Variants in PRKAB1 observed in about 807,000 individuals in gnomAD.
PRKAB1 encodes protein kinase AMP-activated non-catalytic subunit beta 1.
A neutral mutation model predicts 32.0 loss-of-function variants in PRKAB1; 18 were observed. The observed-to-expected ratio is 0.56, with a 90% confidence interval of 0.39 to 0.83. PRKAB1 has a LOEUF of 0.83. Ranked by LOEUF, PRKAB1 falls within the 40% of genes least tolerant of loss-of-function variation. The pLI, the probability that PRKAB1 is intolerant of heterozygous loss-of-function variation, is 0.00. For missense variants in PRKAB1, 263 were observed against 352.6 expected (o/e 0.75, Z 2.03); for synonymous variants, 141 against 141.4 (o/e 1.00, Z 0.02).
rs1955449995 is a variant in PRKAB1 at position 119,679,665 on chromosome 12, GC to G, written c.667-265del. ...CCCTCCATAAGAGGACAGGGCCGTG[GC>G]CCACACTTGAAAGAGGCCGGGGTAA... On this transcript the variant is annotated intron_variant, in intron 5 of 6. Coordinates refer to ENST00000229328, the MANE Select transcript of PRKAB1 (RefSeq NM_006253.5). The surrounding 1 kb of genome is among the most constrained non-coding windows in gnomAD (Gnocchi z 4.1). 2.1e-6 allele frequency: 1 copy of G among 478,322 alleles called. No individual in the cohort carries two copies. The highest frequency in any genetic ancestry group is 3.9e-6 in the Non-Finnish European group (1 of 259,688). 29.6% of individuals were successfully genotyped at this position (478,322 alleles called of 1,614,324 possible).
At position 119,674,582 on chromosome 12, in the gene PRKAB1, T is replaced by G; in HGVS notation, c.532+128T>G. Reference sequence around the variant, plus strand: ...CAGATAGGCATTTATAGCCCCCACTTAAAGGCCACAGAACTTAATTCCTGT... The same window carrying G: ...CAGATAGGCATTTATAGCCCCCACTGAAAGGCCACAGAACTTAATTCCTGT... On this transcript the variant is annotated intron_variant, in intron 4 of 6. Transcript: ENST00000229328. This position sits in a 1 kb window ranked among gnomAD's most constrained non-coding sequence, Gnocchi z 4.3. The G allele has an allele frequency of 1.6e-6, 1 of 623,166 alleles. No homozygotes were observed. The highest frequency in any genetic ancestry group is 2.2e-5 in the South Asian group (1 of 45,722). The allele number at this position is 623,166 out of a possible 1,614,324, so 38.6% of individuals were successfully genotyped here. A position where few individuals can be genotyped will look rare whatever the true frequency, so the allele number is the denominator to read the frequency against.
At position 119,672,472 on chromosome 12, in the gene PRKAB1, C is replaced by T. The variant is rs1955395597; in HGVS notation, c.323+8C>T. ...ACTTCCCCTCACCAGAAGGTAATTG[C>T]CTGGGGAGTGTTCACATATTTGTCT... On this transcript the variant is annotated splice_region_variant and intron_variant, in intron 2 of 6. Coordinates refer to ENST00000229328, the MANE Select transcript of PRKAB1 (RefSeq NM_006253.5). 1 of 1,559,148 alleles carries T rather than the reference C, an allele frequency of 6.4e-7. No individual in the cohort carries two copies. The highest frequency in any genetic ancestry group is 1.4e-5 in the African/African-American group (1 of 73,072).
upstream of PRKAB1, chr12:119,667,986 T>G (rs1955350403): frequency 2.1e-6 from 1 of 478,664 alleles, no homozygotes; most frequent in Non-Finnish European, 3.6e-6. Context: ...GTGAAGCGGT[T>G]GGGAAAGTGT....
At chr12:119,671,653 G>T in intron 1 of PRKAB1, 1 of 235,150 alleles carries the variant, frequency 4.3e-6, no homozygotes. Context: ...GGGGATTATG[G>T]GGATTACAAT....
At chr12:119,678,140 G>C (rs956394102) in intron 5 of PRKAB1, 2 of 152,282 alleles carry the variant, frequency 1.3e-5, no homozygotes, top group Admixed American at 6.5e-5. Flanking sequence ...GAATAGACAA[G>C]CTGAGAGTGG....
chr12:119,669,220 C>A (rs1453440402), intron 1 of PRKAB1, among the ~76,000 whole-genome samples: 1 of 151,826 alleles, frequency 6.6e-6, no homozygotes, highest in African/African-American at 2.4e-5. Flanking sequence ...CTTGGCCTCC[C>A]AAAGTGCTGG....
Position 119,674,045 on chromosome 12 carries a change from C to T in PRKAB1, c.405C>T (p.His135=), listed in dbSNP as rs142228541. ...YKFFVDGQWT[H]DPSEPIVTSQ... ...TCTTTGTGGATGGTCAGTGGACGCA[C>T]GACCCTTCCGAGGTACTCTTCCTCC... The change falls in exon 3 of 7, where the codon CAC becomes CAT. Residue 135 remains histidine (H), a synonymous_variant. Transcript: ENST00000229328. The surrounding 1 kb of genome is among the most constrained non-coding windows in gnomAD (Gnocchi z 4.3). 5.2e-4 allele frequency: 847 copies of T among 1,613,424 alleles called. 4 individuals carry two copies. In the Middle Eastern group the frequency reaches 5.8e-3, roughly 11 times the overall value.
chr12:119,668,668 G>A (rs2136847918), intron 1 of PRKAB1, among the ~76,000 whole-genome samples: 1 of 152,358 alleles, frequency 6.6e-6, no homozygotes, highest in South Asian at 2.1e-4. Context: ...GCAGCTCTGG[G>A]ACAGAGTTTC....
At position 119,672,366 on chromosome 12, in the gene PRKAB1, C is replaced by T; in HGVS notation, c.225C>T (p.Ala75=). The T allele has an allele frequency of 1.2e-6, 2 of 1,613,030 alleles. No homozygotes were observed. Among genetic ancestry groups the T allele is most frequent in the African/African-American group, 1.3e-5 (1 of 75,004 alleles). The part of the protein sequence containing the change: ...HDLEVNDKAP[A]QARPTVFRWT... Reference sequence around the variant, plus strand: ...TGGAAGTGAATGATAAAGCTCCCGCCCAGGCTCGGCCAACGGTGTTTCGAT... The same window carrying T: ...TGGAAGTGAATGATAAAGCTCCCGCTCAGGCTCGGCCAACGGTGTTTCGAT... Residue 75 remains alanine (A), a synonymous_variant, in exon 2 of 7, where the codon GCC becomes GCT. Transcript: ENST00000229328.
chr12:119,667,970 G>A (rs1409219753), upstream of PRKAB1: 6 of 439,330 alleles, frequency 1.4e-5, no homozygotes, highest in South Asian at 2.1e-4. Context: ...AAGTCGCTGA[G>A]GGGTGGTGAA....
At chr12:119,680,058 C>T (rs1009521110) in intron 6 of PRKAB1, 57 bp downstream of exon 6, 1 of 1,567,582 alleles carries the variant, frequency 6.4e-7, no homozygotes. Context: ...CTCTGAGGAC[C>T]CCCAGCAGTG....
intron 1 of PRKAB1, among the ~76,000 whole-genome samples, chr12:119,670,306 C>G (rs546537623): frequency 5.3e-5 from 8 of 152,336 alleles, no homozygotes; most frequent in South Asian, 2.1e-4. Context: ...TAATCATCAT[C>G]CATTTAATTG....
chr12:119,673,056 C>T (rs1247051080), intron 2 of PRKAB1, among the ~76,000 whole-genome samples: 1 of 152,008 alleles, frequency 6.6e-6, no homozygotes, highest in Non-Finnish European at 1.5e-5. Context: ...TAGTGAGACC[C>T]CCATCTCTAC....
In PRKAB1 at chr12:119,674,276, T is replaced by C; in HGVS notation, c.418-64T>C. Reference sequence around the variant, plus strand: ...AGGCCTTCCAGCCAGGAATTCCAAGTCCTCTGAAGAATAACTCCGCAGACC... The same window carrying C: ...AGGCCTTCCAGCCAGGAATTCCAAGCCCTCTGAAGAATAACTCCGCAGACC... On this transcript the variant is annotated intron_variant, in intron 3 of 6. Transcript: ENST00000229328. The surrounding 1 kb of genome is among the most constrained non-coding windows in gnomAD (Gnocchi z 4.3). 7.4e-7 allele frequency: 1 copy of C among 1,347,270 alleles called. No individual in the cohort carries two copies. The allele number at this position is 1,347,270 out of a possible 1,614,324, so 83.5% of individuals were successfully genotyped here.
In PRKAB1 at chr12:119,681,105, T is replaced by G. The variant is rs1239356065; in HGVS notation, c.*780T>G. The stretch of plus-strand genomic sequence containing the variant: ...CATTCAGCTGGATGATCCTCAGGAC[T>G]GACCAGTTAGCTGGCAGGTTGTCCA... On this transcript the variant is annotated 3_prime_UTR_variant, in exon 7 of 7. Coordinates refer to ENST00000229328, the MANE Select transcript of PRKAB1 (RefSeq NM_006253.5). The G allele has an allele frequency of 1.3e-5, 2 of 152,562 alleles. No individual in the cohort carries two copies. The highest frequency in any genetic ancestry group is 2.9e-5 in the Non-Finnish European group (2 of 68,074). The allele number at this position is 152,562 out of a possible 1,614,324, so 9.5% of individuals were successfully genotyped here. A position where few individuals can be genotyped will look rare whatever the true frequency, so the allele number is the denominator to read the frequency against.
chr12:119,670,308 A>G (rs1352540562), intron 1 of PRKAB1, among the ~76,000 whole-genome samples: 2 of 152,184 alleles, frequency 1.3e-5, no homozygotes, highest in African/African-American at 4.8e-5. Context: ...ATCATCATCC[A>G]TTTAATTGCT....
intron 2 of PRKAB1, among the ~76,000 whole-genome samples, chr12:119,673,203 C>T (rs559940053): frequency 1.3e-5 from 2 of 152,120 alleles, no homozygotes; most frequent in Non-Finnish European, 2.9e-5. Flanking sequence ...GCACTCCAGC[C>T]TGGGCAACAG....
At chr12:119,669,377 C>G (rs1314378363) in intron 1 of PRKAB1, 1 of 149,694 alleles carries the variant, frequency 6.7e-6, no homozygotes, top group African/African-American at 2.5e-5. Context: ...ACGCCATTCT[C>G]CTGCCTCAGC....
chr12:119,680,812 G>C lies in PRKAB1; in HGVS notation c.*487G>C, dbSNP rs1955459403. The C allele has an allele frequency of 6.5e-6, 1 of 154,910 alleles. No individual in the cohort carries two copies. The highest frequency in any genetic ancestry group is 1.4e-5 in the Non-Finnish European group (1 of 69,768). 9.6% of individuals were successfully genotyped at this position (154,910 alleles called of 1,614,324 possible). A position where few individuals can be genotyped will look rare whatever the true frequency, so the allele number is the denominator to read the frequency against. ...TGGAACTAAATACAGTGTTGGTCTT[G>C]CCTGTCCTTCAAAATCAACAACAGA... On this transcript the variant is annotated 3_prime_UTR_variant, in exon 7 of 7. Transcript: ENST00000229328.
Sources: allele counts gnomAD v4.1 joint callset (sites outside exome capture counted in the v4.1 genomes callset), GRCh38; gene constraint gnomAD v4.1.1; non-coding constraint Gnocchi (gnomAD v3.1); transcripts MANE v1.5; gene names NCBI Gene and HGNC (gene_info 2026-07-23, HGNC 2026-07-21).